The following CACNA2D1 variants were observed in gnomAD, a reference collection of about 807,000 sequenced individuals.
CACNA2D1 encodes the protein calcium voltage-gated channel auxiliary subunit alpha2delta 1.
A neutral mutation model predicts 171.5 loss-of-function variants in CACNA2D1; 53 were observed. The observed-to-expected ratio is 0.31, with a 90% CI of 0.25 to 0.39. The LOEUF (loss-of-function observed/expected upper bound fraction) is 0.39. CACNA2D1 is among the 10% of genes least tolerant of loss of function. The probability of loss-of-function intolerance (pLI) is 1.00; values close to 1 mark genes in which losing one functional copy is unlikely to be tolerated. For synonymous variants in CACNA2D1, 442 were observed against 443.1 expected (o/e 1.00, Z 0.03); for missense variants, 903 against 1,299.8 (o/e 0.69, Z 4.69).
chr7:82,299,205 T>G (rs2129423555), intron 3 of CACNA2D1, among the ~76,000 whole-genome samples: 1 of 152,260 alleles, frequency 6.6e-6, no homozygotes, highest in African/African-American at 2.4e-5. Context: ...TGAAAGTTGA[T>G]CATATACCAA....
At chr7:82,311,731 C>A (rs942837129) in intron 3 of CACNA2D1, among the ~76,000 whole-genome samples, 1 of 152,070 alleles carries the variant, frequency 6.6e-6, no homozygotes, top group Non-Finnish European at 1.5e-5. Context: ...TAACAGGACA[C>A]AATTGAAGAC....
chr7:82,353,148 A>G (rs1326126003), intron 1 of CACNA2D1, among the ~76,000 whole-genome samples: 2 of 152,104 alleles, frequency 1.3e-5, no homozygotes, highest in Non-Finnish European at 2.9e-5. Context: ...AATGAGATGG[A>G]CTCAGACTAA....
intron 3 of CACNA2D1, among the ~76,000 whole-genome samples, chr7:82,271,726 C>T (rs1275655896): frequency 6.6e-6 from 1 of 152,084 alleles, no homozygotes; most frequent in East Asian, 1.9e-4. Context: ...GATAAACAGG[C>T]ATCAAGAGTA....
chr7:82,157,530 C>G (rs762219658), intron 4 of CACNA2D1, among the ~76,000 whole-genome samples: 1 of 151,928 alleles, frequency 6.6e-6, no homozygotes, highest in Non-Finnish European at 1.5e-5. Context: ...CAGAGAAAAC[C>G]TTGTAAAAAT....
chr7:82,082,927 T>C (rs1368041928), intron 7 of CACNA2D1, among the ~76,000 whole-genome samples: 3 of 152,106 alleles, frequency 2.0e-5, no homozygotes, highest in Non-Finnish European at 4.4e-5. Flanking sequence ...AGTTAACTGC[T>C]ATTTGTTAAA....
rs6956467 is a variant in CACNA2D1 at position 82,170,333 on chromosome 7, G to T, written c.354+217C>A. The stretch of plus-strand genomic sequence containing the variant: ...GGTTTTAAAGGGTTTTTTGGTTTTT[G>T]TTTTTTTTTGGTAATATGGAACATA... On this transcript the variant is annotated intron_variant, in intron 4 of 38. Coordinates refer to ENST00000356860, the MANE Select transcript of CACNA2D1 (RefSeq NM_000722.4). Among the ~76,000 whole-genome samples the T allele has an allele frequency of 0.14, 20,798 of 147,870 alleles. 1,965 individuals are homozygous for T. Among genetic ancestry groups the T allele is most frequent in the African/African-American group, 0.26 (10,446 of 39,534 alleles).
intron 3 of CACNA2D1, among the ~76,000 whole-genome samples, chr7:82,186,572 CAG>C (rs1387909728): frequency 6.6e-6 from 1 of 152,132 alleles, no homozygotes; most frequent in African/African-American, 2.4e-5. Context: ...CCAGACCTGA[CAG>C]AGGTACGAGG....
At chr7:82,323,655 T>C (rs536989595) in intron 3 of CACNA2D1, among the ~76,000 whole-genome samples, 2 of 152,338 alleles carry the variant, frequency 1.3e-5, no homozygotes, top group Admixed American at 1.3e-4. Flanking sequence ...CTACAAATTG[T>C]GTAGTTTTTG....
chr7:82,274,600 C>T (rs1809076669), intron 3 of CACNA2D1, among the ~76,000 whole-genome samples: 1 of 152,132 alleles, frequency 6.6e-6, no homozygotes, highest in Non-Finnish European at 1.5e-5. Flanking sequence ...ACTGCTTTCT[C>T]GTTCACTGAG....
intron 10 of CACNA2D1, among the ~76,000 whole-genome samples, chr7:82,057,349 A>G (rs1031417333): frequency 1.3e-5 from 2 of 152,094 alleles, no homozygotes; most frequent in African/African-American, 2.4e-5. Context: ...CCCTCTTACT[A>G]TAATTAAAAG....
chr7:82,322,815 T>C (rs923835009), intron 3 of CACNA2D1, among the ~76,000 whole-genome samples: 1 of 152,146 alleles, frequency 6.6e-6, no homozygotes, highest in African/African-American at 2.4e-5. Flanking sequence ...AAAGAACACC[T>C]GTGTATATAA....
Position 82,325,373 on chromosome 7 carries a change from A to G in CACNA2D1, c.294+9762T>C, listed in dbSNP as rs548249098. Among the ~76,000 whole-genome samples the G allele has an allele frequency of 2.6e-5, 4 of 152,302 alleles. No individual in the cohort carries two copies. In the South Asian group the frequency reaches 8.3e-4, roughly 32 times the overall value. The stretch of plus-strand genomic sequence containing the variant: ...CTAAACTACACTCTAGGTAGGTGTT[A>G]CAAGCTGTAGGGCAAGCAAAATAAA... On this transcript the variant is annotated intron_variant, in intron 3 of 38. Coordinates refer to ENST00000356860, the MANE Select transcript of CACNA2D1 (RefSeq NM_000722.4).
chr7:81,993,029 A>G (rs1211854646), intron 20 of CACNA2D1, among the ~76,000 whole-genome samples: 1 of 152,176 alleles, frequency 6.6e-6, no homozygotes, highest in Admixed American at 6.6e-5. Context: ...ATTCTATTTT[A>G]AACTTATTTC....
intron 24 of CACNA2D1, among the ~76,000 whole-genome samples, chr7:81,976,873 A>G (rs570252207): frequency 2.0e-5 from 3 of 152,192 alleles, no homozygotes; most frequent in Admixed American, 1.3e-4. Flanking sequence ...AAAAAAAAGG[A>G]ATGCTTGTGA....
chr7:82,111,902 A>C (rs947013125), intron 6 of CACNA2D1, among the ~76,000 whole-genome samples: 2 of 152,156 alleles, frequency 1.3e-5, no homozygotes, highest in Non-Finnish European at 2.9e-5. Context: ...ATTGTTTTTT[A>C]AACTAATCCA....
intron 24 of CACNA2D1, among the ~76,000 whole-genome samples, chr7:81,980,750 T>TTG (rs1382332788): frequency 6.6e-6 from 1 of 152,198 alleles, no homozygotes; most frequent in East Asian, 1.9e-4. Context: ...GCAGCTGAGA[T>TTG]TGACAGATAC....
chr7:82,161,324 T>C (rs2129132610), intron 4 of CACNA2D1, among the ~76,000 whole-genome samples: 1 of 152,188 alleles, frequency 6.6e-6, no homozygotes, highest in East Asian at 1.9e-4. Flanking sequence ...TTAAAATATT[T>C]TGGGGTAGCA....
At chr7:82,273,715 T>C (rs1269518354) in intron 3 of CACNA2D1, among the ~76,000 whole-genome samples, 1 of 152,148 alleles carries the variant, frequency 6.6e-6, no homozygotes, top group African/African-American at 2.4e-5. Context: ...TAATTGCAAA[T>C]GAAGGGTATA....
chr7:82,253,472 A>G (rs1805917489), intron 3 of CACNA2D1, among the ~76,000 whole-genome samples: 1 of 152,202 alleles, frequency 6.6e-6, no homozygotes, highest in Non-Finnish European at 1.5e-5. Context: ...ACTTTCATCA[A>G]GGGCATGATG....
Sources: allele counts gnomAD v4.1 joint callset (sites outside exome capture counted in the v4.1 genomes callset), GRCh38; gene constraint gnomAD v4.1.1; transcripts MANE v1.5; gene names NCBI Gene and HGNC (gene_info 2026-07-23, HGNC 2026-07-21).